The following ZNF469 variants were observed in gnomAD, a reference collection of about 807,000 sequenced individuals.
The protein encoded by ZNF469 is zinc finger protein 469.
ZNF469 carries 1 observed loss-of-function variant against 1.0 expected under a neutral mutation model. The observed-to-expected ratio is 1.00, with a 90% CI of 0.35 to 4.73. ZNF469 has a LOEUF of 4.73. Ranked by LOEUF, ZNF469 falls within the 30% of genes most tolerant of loss-of-function variation. The probability of loss-of-function intolerance (pLI) is 0.16; values close to 1 mark genes in which losing one functional copy is unlikely to be tolerated. For missense variants in ZNF469, 6,100 were observed against 5,356.3 expected (o/e 1.14, Z -4.33); for synonymous variants, 2,703 against 2,363.4 (o/e 1.14, Z -4.17).
At position 88,432,970 on chromosome 16, in the gene ZNF469, C is replaced by A. The variant is rs1369734311; in HGVS notation, c.5500C>A (p.His1834Asn). 4.5e-6 allele frequency: 7 copies of A among 1,550,410 alleles called. No individual in the cohort carries two copies. The highest frequency in any genetic ancestry group is 5.2e-6 in the Non-Finnish European group (6 of 1,146,982). The change falls in exon 3 of 3, where the codon CAT (histidine) becomes AAT (asparagine). Residue 1834 changes from histidine (H) to asparagine (N), a missense_variant. Transcript: ENST00000565624. ...CAGTCCCAGCCATGCTGCCCAGGGA[C>A]ATTCTGCAGGCAGAGCAGGTGGGCA... The part of the protein sequence containing the change: ...GASPSHAAQG[H>N]SAGRAGGHLH...
At chr16:88,270,591 A>T in the ZNF469 span, among the ~76,000 whole-genome samples, 1 of 152,168 alleles carries the variant, frequency 6.6e-6, no homozygotes, top group East Asian at 1.9e-4. Flanking sequence ...GCAGCATACA[A>T]AACCAAAGGC....
the ZNF469 span, among the ~76,000 whole-genome samples, chr16:88,185,527 C>T: frequency 6.7e-6 from 1 of 149,420 alleles, no homozygotes; most frequent in Admixed American, 6.6e-5. Flanking sequence ...ATACATGTGA[C>T]CAGACCCACA....
At chr16:88,207,785 C>G in the ZNF469 span, among the ~76,000 whole-genome samples, 1 of 146,552 alleles carries the variant, frequency 6.8e-6, no homozygotes, top group Admixed American at 6.9e-5. Context: ...TCTGAAATCT[C>G]CCTCTGGCCC....
chr16:88,302,111 C>G, the ZNF469 span, among the ~76,000 whole-genome samples: 1 of 152,210 alleles, frequency 6.6e-6, no homozygotes, highest in Non-Finnish European at 1.5e-5. Context: ...CAGCTGGGCT[C>G]TCGGTCAGGA....
At chr16:88,353,704 C>T in the ZNF469 span, among the ~76,000 whole-genome samples, 1 of 152,226 alleles carries the variant, frequency 6.6e-6, no homozygotes, top group Admixed American at 6.5e-5. Flanking sequence ...GAAACAGGGG[C>T]CTTGCAGGTG....
At chr16:88,309,391 C>G in the ZNF469 span, among the ~76,000 whole-genome samples, 4 of 151,956 alleles carry the variant, frequency 2.6e-5, no homozygotes, top group African/African-American at 9.7e-5. Flanking sequence ...TGTCAGTGTT[C>G]AGGACACCTG....
chr16:88,397,623 G>GA lies in ZNF469; in HGVS notation c.-192+14369_-192+14370insA, dbSNP rs1201714822. ...ATGTGTGATGGATGGATGGATGGGT[G>GA]GATGGATGGATGGATGGATGGATAT... On this transcript the variant is annotated intron_variant, in intron 1 of 2. Transcript: ENST00000565624. Among the ~76,000 whole-genome samples the GA allele has an allele frequency of 3.3e-3, 478 of 143,484 alleles. 4 individuals are homozygous for GA. The highest frequency in any genetic ancestry group is 0.012 in the African/African-American group (457 of 38,592). The allele number at this position is 143,484 out of a possible 152,430, so 94.1% of individuals were successfully genotyped here.
At chr16:88,265,700 C>T in the ZNF469 span, among the ~76,000 whole-genome samples, 2 of 152,220 alleles carry the variant, frequency 1.3e-5, no homozygotes, top group Non-Finnish European at 2.9e-5. Flanking sequence ...TCCTGGGTCA[C>T]AGGGTGCTGC....
intron 1 of ZNF469, among the ~76,000 whole-genome samples, chr16:88,411,536 G>GCAAGCAGGCAGGGGTGCAAGCGGGCA (rs1465920690): frequency 2.0e-5 from 3 of 151,684 alleles, no homozygotes; most frequent in African/African-American, 2.4e-5. Flanking sequence ...GGGCAGGGGT[G>GCAAGCAGGCAGGGGTGCAAGCGGGCA]GGTGTGAGCA....
At chr16:88,392,286 G>A (rs1229300189) in intron 1 of ZNF469, among the ~76,000 whole-genome samples, 1 of 152,244 alleles carries the variant, frequency 6.6e-6, no homozygotes, top group Non-Finnish European at 1.5e-5. Flanking sequence ...TATGCCCGCA[G>A]CTGCTGCACG....
chr16:88,182,674 G>C, the ZNF469 span, among the ~76,000 whole-genome samples: 2 of 149,852 alleles, frequency 1.3e-5, no homozygotes, highest in Non-Finnish European at 1.5e-5. Flanking sequence ...TTCTGGAATA[G>C]CTGGACATAA....
At chr16:88,316,427 G>T in the ZNF469 span, among the ~76,000 whole-genome samples, 1 of 152,132 alleles carries the variant, frequency 6.6e-6, no homozygotes, top group African/African-American at 2.4e-5. Flanking sequence ...ACTCCTTCCG[G>T]GGTTTTCATG....
At chr16:88,306,096 C>T in the ZNF469 span, among the ~76,000 whole-genome samples, 41 of 152,372 alleles carry the variant, frequency 2.7e-4, no homozygotes, top group Non-Finnish European at 3.1e-4. Context: ...TAGTTCCCAA[C>T]AGGTGTGTTG....
chr16:88,146,098 G>A, the ZNF469 span, among the ~76,000 whole-genome samples: 2 of 152,240 alleles, frequency 1.3e-5, no homozygotes, highest in Non-Finnish European at 2.9e-5. Context: ...CGCCCTGGCT[G>A]TGCACCCCTC....
chr16:88,434,328 T>G lies in ZNF469; in HGVS notation c.6858T>G (p.Thr2286=), dbSNP rs1906414131. 1 of 1,550,222 alleles carries G rather than the reference T, an allele frequency of 6.5e-7. No individual in the cohort carries two copies. The highest frequency in any genetic ancestry group is 1.4e-5 in the African/African-American group (1 of 73,062). Residue 2286 remains threonine, a synonymous_variant, in exon 3 of 3, where the codon ACT becomes ACG. Coordinates refer to ENST00000565624, the MANE Select transcript of ZNF469 (RefSeq NM_001367624.2). ...AVSPSVAVRA[T]GLSSTPTGDE... ...CCCCCAGCGTGGCCGTCAGGGCTAC[T>G]GGCCTGTCCAGCACTCCCACCGGAG...
At chr16:88,200,893 C>G in the ZNF469 span, among the ~76,000 whole-genome samples, 1 of 152,258 alleles carries the variant, frequency 6.6e-6, no homozygotes, top group Non-Finnish European at 1.5e-5. Context: ...CCGCCCCCGG[C>G]TGCTCCCGCC....
chr16:88,268,359 T>C, the ZNF469 span, among the ~76,000 whole-genome samples: 1 of 152,224 alleles, frequency 6.6e-6, no homozygotes, highest in East Asian at 1.9e-4. Flanking sequence ...GACTTGGTTC[T>C]GATTTCAGTC....
chr16:88,131,416 A>T, the ZNF469 span, among the ~76,000 whole-genome samples: 4 of 149,266 alleles, frequency 2.7e-5, no homozygotes, highest in East Asian at 7.9e-4. Flanking sequence ...TGTTTGTTAG[A>T]ACCTCTCGGC....
At chr16:88,142,775 C>G in the ZNF469 span, among the ~76,000 whole-genome samples, 2 of 152,366 alleles carry the variant, frequency 1.3e-5, no homozygotes, top group Admixed American at 1.3e-4. Flanking sequence ...GCTGTGGATC[C>G]CACCCGAGGG....
Sources: allele counts gnomAD v4.1 joint callset (sites outside exome capture counted in the v4.1 genomes callset), GRCh38; gene constraint gnomAD v4.1.1; transcripts MANE v1.5; gene names NCBI Gene and HGNC (gene_info 2026-07-23, HGNC 2026-07-21).